Variants in CNTNAP2 observed in about 807,000 individuals in gnomAD.
The protein encoded by CNTNAP2 is contactin-associated protein-like 2.
Under a neutral mutation model 155.2 loss-of-function variants are expected in CNTNAP2, and 98 were observed. The ratio of observed to expected loss-of-function variants is 0.63; its 90% CI spans 0.54 to 0.75. CNTNAP2 has a LOEUF of 0.75. CNTNAP2 is among the 30% of genes least tolerant of loss of function. CNTNAP2 has a pLI of 0.00. For missense variants in CNTNAP2, 1,727 were observed against 1,688.1 expected, an observed-to-expected ratio of 1.02 and a Z score of -0.40; for synonymous variants, 651 against 631.2, an observed-to-expected ratio of 1.03 and a Z score of -0.47.
chr7:146,814,507 A>T (rs1035301286), intron 2 of CNTNAP2, among the ~76,000 whole-genome samples: 2 of 151,948 alleles, frequency 1.3e-5, no homozygotes, highest in African/African-American at 4.8e-5. Flanking sequence ...GAGAATAGAT[A>T]AAAAAAGAAG....
intron 1 of CNTNAP2, among the ~76,000 whole-genome samples, chr7:146,434,476 A>G (rs913379799): frequency 2.6e-5 from 4 of 152,150 alleles, no homozygotes; most frequent in Non-Finnish European, 1.5e-5. Context: ...CCCTTTACTT[A>G]CTATTAGTTC....
At chr7:146,376,640 A>G (rs1341706065) in intron 1 of CNTNAP2, among the ~76,000 whole-genome samples, 3 of 152,098 alleles carry the variant, frequency 2.0e-5, no homozygotes, top group South Asian at 4.1e-4. Context: ...AGACTTTGGT[A>G]TATTTCTCAT....
intron 1 of CNTNAP2, among the ~76,000 whole-genome samples, chr7:146,163,473 C>T (rs111266006): frequency 6.8e-6 from 1 of 146,028 alleles, no homozygotes. Context: ...TTATATATAT[C>T]TATATATATC....
chr7:146,583,586 C>A (rs528141094), intron 1 of CNTNAP2, among the ~76,000 whole-genome samples: 56 of 152,158 alleles, frequency 3.7e-4, no homozygotes, highest in African/African-American at 1.3e-3. Context: ...AAACTCAGAA[C>A]AAGAGATCGC....
intron 1 of CNTNAP2, among the ~76,000 whole-genome samples, chr7:146,646,514 G>T (rs1799815028): frequency 6.6e-6 from 1 of 152,118 alleles, no homozygotes; most frequent in South Asian, 2.1e-4. Context: ...TACATTATAG[G>T]TAAAAGTATA....
At position 147,917,927 on chromosome 7, in the gene CNTNAP2, G is replaced by T. The variant is rs139024223; in HGVS notation, c.2255+14206G>T. On this transcript the variant is annotated intron_variant, in intron 14 of 23. Transcript: ENST00000361727. ...GGATATTTGTATTTTCTCATCGCTG[G>T]TCCTTTACCTACACCTAAAATAACT... Among the ~76,000 whole-genome samples, 784 of 152,174 alleles carry T rather than the reference G, an allele frequency of 5.2e-3. 5 individuals carry two copies. The highest frequency in any genetic ancestry group is 0.018 in the African/African-American group (732 of 41,522).
At chr7:147,801,313 T>TG (rs1188688613) in intron 13 of CNTNAP2, among the ~76,000 whole-genome samples, 10 of 150,810 alleles carry the variant, frequency 6.6e-5, no homozygotes, top group Non-Finnish European at 1.2e-4. Context: ...TATGAAGTTT[T>TG]TTTTTTTTTT....
intron 13 of CNTNAP2, among the ~76,000 whole-genome samples, chr7:147,718,980 A>G (rs1336553648): frequency 2.0e-5 from 3 of 152,172 alleles, no homozygotes; most frequent in Non-Finnish European, 2.9e-5. Flanking sequence ...AAAACAATCT[A>G]TGAAAAACTC....
At chr7:146,142,915 A>T (rs1002342375) in intron 1 of CNTNAP2, among the ~76,000 whole-genome samples, 2 of 152,248 alleles carry the variant, frequency 1.3e-5, no homozygotes, top group Non-Finnish European at 2.9e-5. Flanking sequence ...AAGAAGTCCA[A>T]TGTCTAGAAA....
intron 12 of CNTNAP2, among the ~76,000 whole-genome samples, chr7:147,582,079 T>G (rs1300707530): frequency 1.3e-5 from 2 of 152,092 alleles, no homozygotes; most frequent in East Asian, 3.9e-4. Context: ...TTTAAAGAAT[T>G]TTCATAATAG....
intron 8 of CNTNAP2, among the ~76,000 whole-genome samples, chr7:147,292,834 A>G (rs565752309): frequency 6.6e-6 from 1 of 152,264 alleles, no homozygotes; most frequent in East Asian, 1.9e-4. Context: ...CAATACCACA[A>G]TCTTGGTTCA....
rs116990981 is a variant in CNTNAP2 at position 147,276,039 on chromosome 7, A to G, written c.1349-24102A>G. On this transcript the variant is annotated intron_variant, in intron 8 of 23. Transcript: ENST00000361727. ...TGATTGTGATGGATCATCTTTGTAT[A>G]TGCTCTTGGATTTGGCTTGCTAGTC... Among the ~76,000 whole-genome samples the G allele has an allele frequency of 4.4e-4, 67 of 151,914 alleles. 1 individual carries two copies. The East Asian group carries it at 0.011, about 25-fold the overall frequency.
intron 1 of CNTNAP2, among the ~76,000 whole-genome samples, chr7:146,697,707 A>G (rs1207088979): frequency 6.6e-6 from 1 of 152,090 alleles, no homozygotes; most frequent in African/African-American, 2.4e-5. Context: ...CTTGTAGCCA[A>G]CCCATAGTAG....
At chr7:147,672,418 T>G (rs1182103084) in intron 13 of CNTNAP2, 2 of 152,342 alleles carry the variant, frequency 1.3e-5, no homozygotes, top group African/African-American at 2.4e-5. Context: ...CTTTTCTTTC[T>G]TATAAATTCT....
intron 8 of CNTNAP2, among the ~76,000 whole-genome samples, chr7:147,290,973 T>C (rs1156542127): frequency 1.3e-5 from 2 of 152,110 alleles, no homozygotes; most frequent in East Asian, 3.9e-4. Context: ...ATCTTAAAAG[T>C]ACAATTCAAT....
Position 146,841,437 on chromosome 7 carries a change from G to C in CNTNAP2, c.402+1533G>C, listed in dbSNP as rs147397548. ...ACCAAACAGCAGACCAAACAACTGA[G>C]AGTAAACAGTGAAGGCTTGGATCAC... On this transcript the variant is annotated intron_variant, in intron 3 of 23. Coordinates refer to ENST00000361727, the MANE Select transcript of CNTNAP2 (RefSeq NM_014141.6). Among the ~76,000 whole-genome samples the C allele has an allele frequency of 6.0e-3, 908 of 152,238 alleles. 9 individuals are homozygous for C. Among genetic ancestry groups the C allele is most frequent in the African/African-American group, 0.021 (866 of 41,532 alleles).
chr7:148,114,629 A>G (rs557023720), intron 15 of CNTNAP2, among the ~76,000 whole-genome samples: 66 of 152,276 alleles, frequency 4.3e-4, no homozygotes, highest in African/African-American at 1.5e-3. Flanking sequence ...TGGGCAACAG[A>G]TTCCTCAGAA....
At chr7:146,951,900 C>T (rs759764470) in intron 3 of CNTNAP2, among the ~76,000 whole-genome samples, 101 of 151,954 alleles carry the variant, frequency 6.6e-4, no homozygotes, top group Non-Finnish European at 1.3e-3. Context: ...GCCATTTTCG[C>T]GATATTGATT....
intron 1 of CNTNAP2, among the ~76,000 whole-genome samples, chr7:146,475,300 AGT>A (rs1563098395): frequency 6.6e-6 from 1 of 152,194 alleles, no homozygotes; most frequent in Non-Finnish European, 1.5e-5. Flanking sequence ...AGATGGGGCT[AGT>A]GTCTTAAAGG....
Sources: gnomAD v4.1 joint callset for allele counts (sites outside exome capture counted in the v4.1 genomes callset) on GRCh38, gnomAD v4.1.1 for gene constraint, MANE v1.5 for transcripts, NCBI Gene and HGNC (gene_info 2026-07-23, HGNC 2026-07-21) for gene names.